Variants in SEMA3E observed in about 807,000 individuals in gnomAD.
SEMA3E encodes semaphorin-3E.
In SEMA3E, 49 loss-of-function variants were observed where a neutral mutation model predicts 93.6. That is an observed-to-expected ratio of 0.52 (90% CI 0.42 to 0.66). The LOEUF (loss-of-function observed/expected upper bound fraction) is 0.66, where lower values mean the gene tolerates loss of function less well. SEMA3E is among the 30% of genes least tolerant of loss of function. The pLI is 0.00. For synonymous variants in SEMA3E, 363 were observed against 330.7 expected (o/e 1.10, Z -1.06); for missense variants, 906 against 964.8 (o/e 0.94, Z 0.81).
At chr7:83,399,887 A>G (rs1232852406) in intron 11 of SEMA3E, 141 bp downstream of exon 11, 4 of 738,838 alleles carry the variant, frequency 5.4e-6, no homozygotes, top group Admixed American at 2.1e-5. Flanking sequence ...CTCTATTTCA[A>G]TCTTTCTCAT....
At chr7:83,532,776 G>T (rs1280215153) in intron 1 of SEMA3E, among the ~76,000 whole-genome samples, 3 of 146,254 alleles carry the variant, frequency 2.1e-5, no homozygotes, top group South Asian at 2.1e-4. Flanking sequence ...ATTATTTCCT[G>T]TTTTTTTTTT....
chr7:83,476,244 G>C (rs953729542), intron 2 of SEMA3E, among the ~76,000 whole-genome samples: 1 of 152,132 alleles, frequency 6.6e-6, no homozygotes, highest in African/African-American at 2.4e-5. Flanking sequence ...AGTAAAGTTT[G>C]AGAAATCAGG....
intron 1 of SEMA3E, among the ~76,000 whole-genome samples, chr7:83,580,840 T>C (rs1457224611): frequency 6.6e-6 from 1 of 151,980 alleles, no homozygotes; most frequent in Non-Finnish European, 1.5e-5. Flanking sequence ...CTAAATGCTG[T>C]GAATATTTGT....
At chr7:83,576,449 C>T (rs1404137880) in intron 1 of SEMA3E, among the ~76,000 whole-genome samples, 2 of 151,904 alleles carry the variant, frequency 1.3e-5, no homozygotes, top group Non-Finnish European at 2.9e-5. Flanking sequence ...TTATATATCA[C>T]AGGATATATA....
chr7:83,501,298 A>AT (rs1790591784), intron 1 of SEMA3E, among the ~76,000 whole-genome samples: 2 of 152,242 alleles, frequency 1.3e-5, no homozygotes, highest in Admixed American at 1.3e-4. Flanking sequence ...TAATGTGTAC[A>AT]AAAGTGTAAT....
At chr7:83,389,397 G>A (rs1048221809) in intron 14 of SEMA3E, among the ~76,000 whole-genome samples, 1 of 125,278 alleles carries the variant, frequency 8.0e-6, no homozygotes, top group Non-Finnish European at 1.9e-5. Context: ...TATTATACAA[G>A]TGAGATGAGG....
chr7:83,470,867 T>TTA (rs1234328209), intron 2 of SEMA3E, among the ~76,000 whole-genome samples: 86 of 148,902 alleles, frequency 5.8e-4, no homozygotes, highest in South Asian at 5.5e-3. Context: ...ATTTTCTTTT[T>TTA]TTTTTTTTTT....
At position 83,418,403 on chromosome 7, in the gene SEMA3E, G is replaced by A. The variant is rs944160895; in HGVS notation, c.537C>T (p.Ile179=). The change falls in exon 5 of 17, where the codon ATC becomes ATT. Residue 179 remains isoleucine, a synonymous_variant. Transcript: ENST00000643230. ...AATGACAATTACCAATTAAAGTGGA[G>A]ATGAAGGAGGAGCTGGGGTCAAAAG... ...RCPFDPSSSF[I]STLIGSELFA... The A allele has an allele frequency of 1.2e-6, 2 of 1,609,658 alleles. No homozygotes were observed. Among genetic ancestry groups the A allele is most frequent in the Admixed American group, 1.7e-5 (1 of 59,692 alleles).
intron 1 of SEMA3E, among the ~76,000 whole-genome samples, chr7:83,507,696 A>T (rs1200576769): frequency 6.6e-6 from 1 of 151,936 alleles, no homozygotes; most frequent in East Asian, 1.9e-4. Context: ...CCAGCATTTT[A>T]GAAGGCCAAG....
chr7:83,559,730 A>G (rs1238497811), intron 1 of SEMA3E, among the ~76,000 whole-genome samples: 1 of 152,082 alleles, frequency 6.6e-6, no homozygotes, highest in African/African-American at 2.4e-5. Context: ...TATTTACACA[A>G]AGGAACTGAA....
Position 83,492,744 on chromosome 7 carries a change from A to G in SEMA3E, c.116-2470T>C, listed in dbSNP as rs181319330. On this transcript the variant is annotated intron_variant, in intron 1 of 16. Coordinates refer to ENST00000643230, the MANE Select transcript of SEMA3E (RefSeq NM_012431.3). ...TATATATGTACACACACACACACACATATACTTTTACAAAACAGCAAACAA... is the reference window on the plus strand; with the variant it reads ...TATATATGTACACACACACACACACGTATACTTTTACAAAACAGCAAACAA... 3.3e-5 allele frequency among the ~76,000 whole-genome samples: 5 copies of G among 151,986 alleles called. No individual in the cohort carries two copies. The East Asian group carries it at 9.7e-4, about 29-fold the overall frequency.
At chr7:83,636,235 C>T (rs941666693) in intron 1 of SEMA3E, among the ~76,000 whole-genome samples, 23 of 152,098 alleles carry the variant, frequency 1.5e-4, no homozygotes, top group Admixed American at 3.3e-4. Context: ...CTGGATTTCT[C>T]TTCAGAACTT....
intron 4 of SEMA3E, among the ~76,000 whole-genome samples, chr7:83,454,992 A>C (rs1464196493): frequency 6.6e-6 from 1 of 151,170 alleles, no homozygotes; most frequent in East Asian, 1.9e-4. Context: ...TTGTACTCTC[A>C]GAGGTATATG....
chr7:83,611,301 A>T (rs1341106980), intron 1 of SEMA3E, among the ~76,000 whole-genome samples: 3 of 143,220 alleles, frequency 2.1e-5, no homozygotes, highest in South Asian at 2.1e-4. Context: ...TTTATATATT[A>T]TATATATAAA....
intron 1 of SEMA3E, among the ~76,000 whole-genome samples, chr7:83,644,151 G>A (rs1584383965): frequency 6.6e-6 from 1 of 151,816 alleles, no homozygotes; most frequent in South Asian, 2.1e-4. Flanking sequence ...TAAAATGTGT[G>A]TTGTAGAGTG....
chr7:83,417,593 G>A (rs973412304), intron 5 of SEMA3E, among the ~76,000 whole-genome samples: 11 of 152,086 alleles, frequency 7.2e-5, no homozygotes, highest in African/African-American at 2.4e-4. Flanking sequence ...TCTCAACGCT[G>A]AGGGAAGAAA....
At chr7:83,438,154 T>G (rs2247219) in intron 4 of SEMA3E, among the ~76,000 whole-genome samples, 109,908 of 151,864 alleles carry the variant, frequency 0.72, 40,790 homozygotes, top group East Asian at 1. Flanking sequence ...TATTGATTTT[T>G]ATTTATTCAC....
intron 2 of SEMA3E, among the ~76,000 whole-genome samples, chr7:83,470,862 C>CTTTTTTT (rs60392556): frequency 7.1e-6 from 1 of 139,934 alleles, no homozygotes; most frequent in African/African-American, 2.6e-5. Flanking sequence ...CCCACATTTT[C>CTTTTTTT]TTTTTTTTTT....
At chr7:83,391,757 C>A (rs1004523471) in intron 14 of SEMA3E, among the ~76,000 whole-genome samples, 1 of 151,986 alleles carries the variant, frequency 6.6e-6, no homozygotes, top group South Asian at 2.1e-4. Context: ...AAAATGTTTA[C>A]AGAAAAGTAA....
Sources: gnomAD v4.1 joint callset for allele counts (sites outside exome capture counted in the v4.1 genomes callset) on GRCh38, gnomAD v4.1.1 for gene constraint, MANE v1.5 for transcripts, NCBI Gene and HGNC (gene_info 2026-07-23, HGNC 2026-07-21) for gene names.